The following FMN2 variants were observed in gnomAD, a reference collection of about 807,000 sequenced individuals.
The protein encoded by FMN2 is formin 2, also known as formin-2.
Under a neutral mutation model 142.3 loss-of-function variants are expected in FMN2, and 51 were observed. That is an observed-to-expected ratio of 0.36 (90% confidence interval 0.29 to 0.45). The LOEUF (loss-of-function observed/expected upper bound fraction) is 0.45. FMN2 is among the 20% of genes least tolerant of loss of function. FMN2 has a pLI of 1.00. For missense variants in FMN2, 1,936 were observed against 2,122.8 expected (o/e 0.91, Z 1.73); for synonymous variants, 882 against 869.8 (o/e 1.01, Z -0.25).
intron 14 of FMN2, among the ~76,000 whole-genome samples, chr1:240,380,296 G>A (rs1405680438): frequency 6.6e-6 from 1 of 152,212 alleles, no homozygotes; most frequent in Non-Finnish European, 1.5e-5. Context: ...TCAGACCACA[G>A]TAAAATAAAA....
At chr1:240,275,697 C>T (rs1271570396) in intron 7 of FMN2, among the ~76,000 whole-genome samples, 2 of 152,174 alleles carry the variant, frequency 1.3e-5, no homozygotes, top group African/African-American at 4.8e-5. Flanking sequence ...AACTAATTTA[C>T]ACTCTCACCA....
intron 15 of FMN2, among the ~76,000 whole-genome samples, chr1:240,427,967 G>A (rs1347171683): frequency 2.6e-5 from 4 of 151,944 alleles, no homozygotes; most frequent in African/African-American, 9.7e-5. Context: ...CAGTTATTCC[G>A]TGAAATACTT....
In FMN2 at chr1:240,358,394, G is replaced by A. The variant is rs542912115; in HGVS notation, c.4858+2486G>A. Among the ~76,000 whole-genome samples the A allele has an allele frequency of 7.9e-5, 12 of 152,328 alleles. No individual in the cohort carries two copies. The South Asian group carries it at 2.3e-3, about 29-fold the overall frequency. On this transcript the variant is annotated intron_variant, in intron 14 of 17. Coordinates refer to ENST00000319653, the MANE Select transcript of FMN2 (RefSeq NM_020066.5). ...GAATAGAAGTCTCACTTTAAACATA[G>A]TCACTCTCAAAGCTGTTTTCAAGAA...
intron 7 of FMN2, among the ~76,000 whole-genome samples, chr1:240,266,093 T>C (rs1479610707): frequency 6.6e-6 from 1 of 151,420 alleles, no homozygotes; most frequent in East Asian, 1.9e-4. Flanking sequence ...TATCTGGGTA[T>C]ATTGCATGAT....
chr1:240,255,629 T>C (rs891046241), intron 6 of FMN2, among the ~76,000 whole-genome samples: 6 of 152,166 alleles, frequency 3.9e-5, no homozygotes, highest in Non-Finnish European at 8.8e-5. Context: ...TCTTGACTGG[T>C]TTCTAGATTC....
chr1:240,167,243 T>C (rs1664517759), intron 2 of FMN2, among the ~76,000 whole-genome samples: 1 of 152,236 alleles, frequency 6.6e-6, no homozygotes, highest in South Asian at 2.1e-4. Flanking sequence ...GTAATGTTAG[T>C]GCTTCTTTTA....
chr1:240,154,191 ACGTACGTTCTCACTGGAG>A (rs1292177922), intron 2 of FMN2, among the ~76,000 whole-genome samples: 1 of 151,142 alleles, frequency 6.6e-6, no homozygotes, highest in Admixed American at 6.6e-5. Flanking sequence ...TCTTAGGAGA[ACGTACGTTCTCACTGGAG>A]AGAGGGAGCA....
At position 240,254,303 on chromosome 1, in the gene FMN2, G is replaced by A. The variant is rs183186198; in HGVS notation, c.4066-3642G>A. On this transcript the variant is annotated intron_variant, in intron 6 of 17. Transcript: ENST00000319653. ...GGTGGCATGGGTGAGTGGATGGTGT[G>A]GGTGGGTGGGTGCTAGCTGTGGTGT... Among the ~76,000 whole-genome samples the A allele has an allele frequency of 3.3e-4, 50 of 152,138 alleles. No homozygotes were observed. The East Asian group carries it at 7.2e-3, about 22-fold the overall frequency.
intron 4 of FMN2, among the ~76,000 whole-genome samples, chr1:240,195,143 AT>A (rs1665864520): frequency 6.6e-6 from 1 of 152,172 alleles, no homozygotes; most frequent in African/African-American, 2.4e-5. Flanking sequence ...ACTTGCTAAC[AT>A]TTATTTGGAG....
At chr1:240,206,700 G>T in intron 4 of FMN2, 99 bp from the exon 5 acceptor site, 1 of 1,358,582 alleles carries the variant, frequency 7.4e-7, no homozygotes, top group East Asian at 2.4e-5. Context: ...AGTCCTTCTG[G>T]AAGTATGACA....
intron 4 of FMN2, among the ~76,000 whole-genome samples, chr1:240,194,140 A>T (rs1056399968): frequency 7.3e-6 from 1 of 136,694 alleles, no homozygotes; most frequent in Non-Finnish European, 1.6e-5. Flanking sequence ...CTTTTTAAAA[A>T]TCTACTTCTA....
chr1:240,262,759 CTTTTTTTTTTT>C (rs764626617), intron 7 of FMN2, among the ~76,000 whole-genome samples: 2 of 117,788 alleles, frequency 1.7e-5, no homozygotes, highest in African/African-American at 6.5e-5. Context: ...AAAACTTTTA[CTTTTTTTTTTT>C]TTTTTTTTTG....
In FMN2 at chr1:240,474,172, G is replaced by A; in HGVS notation, c.*18G>A. On this transcript the variant is annotated 3_prime_UTR_variant, in exon 18 of 18. Transcript: ENST00000319653. ...AAACTTGAACAATGAAAAGCAGAAT[G>A]AAAATGAGTCATTGCAACGACTTTC... The A allele has an allele frequency of 6.5e-7, 1 of 1,544,154 alleles. No individual in the cohort carries two copies. Among genetic ancestry groups the A allele is most frequent in the Non-Finnish European group, 8.7e-7 (1 of 1,154,022 alleles).
At chr1:240,215,164 C>A (rs1666847388) in intron 6 of FMN2, among the ~76,000 whole-genome samples, 1 of 152,116 alleles carries the variant, frequency 6.6e-6, no homozygotes, top group African/African-American at 2.4e-5. Context: ...TTTGGTTAAT[C>A]TTCTATCAAA....
intron 2 of FMN2, chr1:240,170,837 A>G (rs1453728172): frequency 3.6e-6 from 3 of 822,518 alleles, no homozygotes; most frequent in Non-Finnish European, 6.5e-6. Flanking sequence ...ATTGGTGTGG[A>G]CATCCATCAA....
intron 8 of FMN2, among the ~76,000 whole-genome samples, chr1:240,313,400 T>G (rs1346930302): frequency 6.6e-6 from 1 of 152,236 alleles, no homozygotes; most frequent in African/African-American, 2.4e-5. Flanking sequence ...TAATGTATAA[T>G]ATTATATGAT....
chr1:240,136,264 C>T (rs115493101), intron 2 of FMN2, among the ~76,000 whole-genome samples: 2,484 of 152,134 alleles, frequency 0.016, 48 homozygotes, highest in African/African-American at 0.057. Flanking sequence ...CCGTTATGCT[C>T]AATTCAAGTG....
chr1:240,219,800 G>A (rs1355661984), intron 6 of FMN2, among the ~76,000 whole-genome samples: 1 of 151,944 alleles, frequency 6.6e-6, no homozygotes, highest in Admixed American at 6.6e-5. Context: ...GACTCTAGGT[G>A]TGGGCCACCG....
intron 8 of FMN2, among the ~76,000 whole-genome samples, chr1:240,325,327 G>A (rs185923037): frequency 5.7e-4 from 79 of 137,942 alleles, no homozygotes; most frequent in Admixed American, 1.9e-3. Flanking sequence ...TGGGTGACAC[G>A]GTGAGACCCT....
Sources: allele counts gnomAD v4.1 joint callset (sites outside exome capture counted in the v4.1 genomes callset), GRCh38; gene constraint gnomAD v4.1.1; transcripts MANE v1.5; gene names NCBI Gene and HGNC (gene_info 2026-07-23, HGNC 2026-07-21).